SHANK2: variants seen among roughly 807,000 people sequenced by gnomAD.
The protein encoded by SHANK2 is SH3 and multiple ankyrin repeat domains 2.
A neutral mutation model predicts 133.7 loss-of-function variants in SHANK2; 43 were observed. The observed-to-expected ratio is 0.32, with a 90% CI of 0.25 to 0.41. The LOEUF (loss-of-function observed/expected upper bound fraction) is 0.41, where lower values mean the gene tolerates loss of function less well. Ranked by LOEUF, SHANK2 falls within the 10% of genes least tolerant of loss-of-function variation. SHANK2 has a pLI of 1.00. For missense variants in SHANK2, 1,994 were observed against 2,235.8 expected, an observed-to-expected ratio of 0.89 and a Z score of 2.18; for synonymous variants, 1,017 against 952.8, an observed-to-expected ratio of 1.07 and a Z score of -1.24.
At chr11:71,230,319 C>T (rs987457842) in intron 1 of SHANK2, among the ~76,000 whole-genome samples, 5 of 151,928 alleles carry the variant, frequency 3.3e-5, no homozygotes, top group East Asian at 1.9e-4. Flanking sequence ...CAGTGACTCA[C>T]GCCTGTAATC....
intron 11 of SHANK2, among the ~76,000 whole-genome samples, chr11:70,840,707 G>T (rs1254607444): frequency 6.6e-6 from 1 of 152,186 alleles, no homozygotes; most frequent in Non-Finnish European, 1.5e-5. Context: ...CCAGGAAGTG[G>T]GAGCCTGGGG....
intron 7 of SHANK2, among the ~76,000 whole-genome samples, chr11:71,093,321 G>A (rs1439159942): frequency 2.0e-5 from 3 of 152,124 alleles, no homozygotes; most frequent in Non-Finnish European, 2.9e-5. Context: ...TGAGGGTGGC[G>A]AACCTAGCAA....
intron 17 of SHANK2, among the ~76,000 whole-genome samples, chr11:70,551,628 A>C (rs1177529357): frequency 1.3e-5 from 2 of 152,338 alleles, no homozygotes; most frequent in East Asian, 3.9e-4. Context: ...ACTAAGCAGG[A>C]GCATGAATAG....
Position 70,470,872 on chromosome 11 carries a change from T to G in SHANK2, c.*1997A>C, listed in dbSNP as rs1452371442. On this transcript the variant is annotated 3_prime_UTR_variant, in exon 26 of 26. Coordinates refer to ENST00000601538, the MANE Select transcript of SHANK2 (RefSeq NM_012309.5). ...AAAGCGCGTGTGTGTGGTGTGTGTT[T>G]TGTTTTTGTTTTTGGAGAAACTGCT... 2.5e-5 allele frequency: 4 copies of G among 159,198 alleles called. No individual in the cohort carries two copies. The highest frequency in any genetic ancestry group is 9.6e-5 in the African/African-American group (4 of 41,862). The allele number at this position is 159,198 out of a possible 1,614,324, so 9.9% of individuals were successfully genotyped here. A position where few individuals can be genotyped will look rare whatever the true frequency, so the allele number is the denominator to read the frequency against.
rs782086001 is a variant in SHANK2 at position 70,486,975 on chromosome 11, G to C, written c.3318C>G (p.Asp1106Glu). The C allele has an allele frequency of 6.2e-7, 1 of 1,611,968 alleles. No homozygotes were observed. Among genetic ancestry groups the C allele is most frequent in the African/African-American group, 1.3e-5 (1 of 74,924 alleles). Residue 1106 changes from aspartate (D) to glutamate (E), a missense_variant, in exon 25 of 26, where the codon GAC becomes GAG. By Grantham distance (45) the Asp-to-Glu change is conservative (BLOSUM62 2). Coordinates refer to ENST00000601538, the MANE Select transcript of SHANK2 (RefSeq NM_012309.5). This position sits in a 1 kb window ranked among gnomAD's most constrained non-coding sequence, Gnocchi z 8.0. The part of the protein sequence containing the change: ...RRNSPAFLST[D>E]LGDEDVGLGP... Reference sequence around the variant, plus strand: ...CCAGGCCCACATCCTCATCCCCCAGGTCTGTGGAGAGGAAGGCCGGGGAGT... The same window carrying C: ...CCAGGCCCACATCCTCATCCCCCAGCTCTGTGGAGAGGAAGGCCGGGGAGT...
At chr11:70,540,483 C>A (rs971138538) in intron 17 of SHANK2, among the ~76,000 whole-genome samples, 4 of 151,960 alleles carry the variant, frequency 2.6e-5, no homozygotes, top group Non-Finnish European at 4.4e-5. Context: ...TCCCTGCCCG[C>A]GGGAGCCTGG....
chr11:70,505,421 G>A (rs12418728), intron 17 of SHANK2, among the ~76,000 whole-genome samples: 70,476 of 151,750 alleles, frequency 0.46, 19,911 homozygotes, highest in Non-Finnish European at 0.61. Context: ...CAGGAGCCGC[G>A]AGGCCAATGT....
At chr11:71,200,278 A>G (rs1953991305) in intron 2 of SHANK2, among the ~76,000 whole-genome samples, 1 of 152,212 alleles carries the variant, frequency 6.6e-6, no homozygotes, top group African/African-American at 2.4e-5. Context: ...GTATCTATGC[A>G]GTAGTCCTCA....
At chr11:70,680,008 T>C (rs1944992775) in intron 15 of SHANK2, among the ~76,000 whole-genome samples, 1 of 152,230 alleles carries the variant, frequency 6.6e-6, no homozygotes, top group South Asian at 2.1e-4. Flanking sequence ...CAGGGGTCGG[T>C]GGAGCAGGCA....
At chr11:70,950,278 G>C (rs1950813695) in intron 10 of SHANK2, among the ~76,000 whole-genome samples, 1 of 152,008 alleles carries the variant, frequency 6.6e-6, no homozygotes, top group African/African-American at 2.4e-5. Flanking sequence ...CCGGGTTCAA[G>C]TGATTCTCCT....
intron 8 of SHANK2, among the ~76,000 whole-genome samples, chr11:71,084,316 T>C (rs1340187449): frequency 6.6e-6 from 1 of 152,124 alleles, no homozygotes; most frequent in Non-Finnish European, 1.5e-5. Flanking sequence ...TGAGCTCAAA[T>C]GGGGCTCTTC....
intron 14 of SHANK2, among the ~76,000 whole-genome samples, chr11:70,791,787 T>C (rs1417107397): frequency 6.6e-6 from 1 of 152,252 alleles, no homozygotes; most frequent in Admixed American, 6.5e-5. Context: ...TTACAAATAA[T>C]GGGTCATAGT....
At chr11:71,080,866 G>A (rs1465978904) in intron 8 of SHANK2, among the ~76,000 whole-genome samples, 1 of 152,170 alleles carries the variant, frequency 6.6e-6, no homozygotes, top group Non-Finnish European at 1.5e-5. Flanking sequence ...AGTAGTCAAG[G>A]AGGCCAATGC....
rs782619056 is a variant in SHANK2 at position 70,500,802 on chromosome 11, T to C, written c.2288-212A>G. The stretch of plus-strand genomic sequence containing the variant: ...CTTGGCTGCCCGCACAACTCTGTCC[T>C]GTCTGCCCTGCTCGTTAACCTACTG... On this transcript the variant is annotated intron_variant, in intron 20 of 25. Coordinates refer to ENST00000601538, the MANE Select transcript of SHANK2 (RefSeq NM_012309.5). This position sits in a 1 kb window ranked among gnomAD's most constrained non-coding sequence, Gnocchi z 4.5. 1.4e-6 allele frequency: 1 copy of C among 730,310 alleles called. No individual in the cohort carries two copies. Among genetic ancestry groups the C allele is most frequent in the South Asian group, 1.5e-5 (1 of 67,018 alleles). 45.2% of individuals were successfully genotyped at this position (730,310 alleles called of 1,614,324 possible). A position where few individuals can be genotyped will look rare whatever the true frequency, so the allele number is the denominator to read the frequency against.
chr11:70,703,356 A>T (rs1365111487), intron 14 of SHANK2, among the ~76,000 whole-genome samples: 1 of 152,192 alleles, frequency 6.6e-6, no homozygotes, highest in Non-Finnish European at 1.5e-5. Context: ...GTGGCATCTC[A>T]TGAGCGACCC....
At chr11:70,614,106 A>G (rs2060704451) in intron 17 of SHANK2, among the ~76,000 whole-genome samples, 1 of 152,018 alleles carries the variant, frequency 6.6e-6, no homozygotes, top group Non-Finnish European at 1.5e-5. Context: ...GGAGCCCACC[A>G]TGTGACAATA....
intron 11 of SHANK2, among the ~76,000 whole-genome samples, chr11:70,850,603 C>T (rs543534151): frequency 8.5e-4 from 129 of 152,326 alleles, no homozygotes; most frequent in Middle Eastern, 3.4e-3. Flanking sequence ...GAGCTGAGCT[C>T]TCTCCCAAAT....
chr11:71,238,456 G>A (rs1449298539), intron 1 of SHANK2, among the ~76,000 whole-genome samples: 1 of 152,160 alleles, frequency 6.6e-6, no homozygotes, highest in Admixed American at 6.5e-5. Context: ...AGAAAACCAA[G>A]GCCCAGAGAG....
chr11:70,550,601 G>C (rs2059752309), intron 17 of SHANK2, among the ~76,000 whole-genome samples: 1 of 152,206 alleles, frequency 6.6e-6, no homozygotes. Flanking sequence ...CAAGGGGTCG[G>C]CTCGCATTTG....
Sources: gnomAD v4.1 joint callset for allele counts (sites outside exome capture counted in the v4.1 genomes callset) on GRCh38, gnomAD v4.1.1 for gene constraint, Gnocchi (gnomAD v3.1) non-coding constraint, MANE v1.5 for transcripts, NCBI Gene and HGNC (gene_info 2026-07-23, HGNC 2026-07-21) for gene names.